Variants in COL25A1 observed in about 807,000 individuals in gnomAD.
COL25A1 encodes collagen alpha-1(XXV) chain.
Under a neutral mutation model 128.4 loss-of-function variants are expected in COL25A1, and 103 were observed. That is an observed-to-expected ratio of 0.80 (90% CI 0.68 to 0.94). The LOEUF (loss-of-function observed/expected upper bound fraction) is 0.94, where lower values mean the gene tolerates loss of function less well. COL25A1 is among the 40% of genes least tolerant of loss of function. The pLI is 0.00. For synonymous variants in COL25A1, 279 were observed against 277.2 expected (o/e 1.01, Z -0.06); for missense variants, 745 against 840.0 (o/e 0.89, Z 1.40).
At chr4:109,065,539 C>A in intron 3 of COL25A1, among the ~76,000 whole-genome samples, 1 of 133,502 alleles carries the variant, frequency 7.5e-6, no homozygotes, top group South Asian at 2.3e-4. Context: ...AGCACGCGCG[C>A]GCGCGCGTGT....
chr4:109,125,538 A>G (rs1437241602), intron 3 of COL25A1, among the ~76,000 whole-genome samples: 1 of 152,200 alleles, frequency 6.6e-6, no homozygotes, highest in Non-Finnish European at 1.5e-5. Flanking sequence ...GTATTTCTAG[A>G]ATACAAACTG....
At chr4:109,187,131 C>T (rs967156004) in intron 3 of COL25A1, among the ~76,000 whole-genome samples, 8 of 151,880 alleles carry the variant, frequency 5.3e-5, no homozygotes, top group Non-Finnish European at 1.2e-4. Context: ...AAATTATTGT[C>T]ATGCGATTAT....
At chr4:109,258,093 ATCCT>A (rs1382278570) in intron 3 of COL25A1, among the ~76,000 whole-genome samples, 4 of 152,076 alleles carry the variant, frequency 2.6e-5, no homozygotes, top group African/African-American at 9.7e-5. Context: ...CTGCCTTTCC[ATCCT>A]TCCTGCTCCC....
At chr4:109,205,953 G>C (rs1038792963) in intron 3 of COL25A1, among the ~76,000 whole-genome samples, 1 of 151,990 alleles carries the variant, frequency 6.6e-6, no homozygotes, top group Non-Finnish European at 1.5e-5. Flanking sequence ...TTCTGCCCTG[G>C]AAAACAACAT....
intron 8 of COL25A1, among the ~76,000 whole-genome samples, chr4:108,973,163 C>G (rs1752090440): frequency 6.6e-6 from 1 of 152,164 alleles, no homozygotes; most frequent in Admixed American, 6.5e-5. Context: ...TCACCACATA[C>G]AGAGCAAATG....
chr4:108,926,074 C>T (rs12512446), intron 11 of COL25A1, among the ~76,000 whole-genome samples: 105,094 of 152,078 alleles, frequency 0.69, 37,604 homozygotes, highest in East Asian at 0.94. Flanking sequence ...CACAGAAAGA[C>T]ACATCATGAG....
intron 3 of COL25A1, among the ~76,000 whole-genome samples, chr4:109,216,937 G>T (rs1368884849): frequency 3.9e-5 from 6 of 152,050 alleles, no homozygotes; most frequent in Admixed American, 3.3e-4. Flanking sequence ...AACCAAAGCT[G>T]GTTGTAGAAC....
chr4:108,874,803 A>G (rs552351241), intron 19 of COL25A1, among the ~76,000 whole-genome samples: 1 of 152,348 alleles, frequency 6.6e-6, no homozygotes, highest in South Asian at 2.1e-4. Context: ...CTTGTTGCAT[A>G]TATCAGGACA....
chr4:109,001,506 G>A (rs778108167), intron 6 of COL25A1, among the ~76,000 whole-genome samples: 6 of 135,990 alleles, frequency 4.4e-5, no homozygotes, highest in Non-Finnish European at 8.1e-5. Context: ...ATACCTGTCA[G>A]TAATGAGGAA....
intron 3 of COL25A1, among the ~76,000 whole-genome samples, chr4:109,088,302 A>T (rs918652001): frequency 3.3e-5 from 5 of 152,208 alleles, no homozygotes; most frequent in African/African-American, 1.2e-4. Flanking sequence ...AGTGAGGAGC[A>T]GGTATGGGGC....
intron 21 of COL25A1, among the ~76,000 whole-genome samples, chr4:108,862,910 A>G (rs1737430112): frequency 6.6e-6 from 1 of 152,230 alleles, no homozygotes; most frequent in Admixed American, 6.5e-5. Flanking sequence ...TGACCACATT[A>G]GTTTGCAGAA....
At chr4:109,153,064 A>G (rs1771667206) in intron 3 of COL25A1, among the ~76,000 whole-genome samples, 1 of 152,148 alleles carries the variant, frequency 6.6e-6, no homozygotes, top group Non-Finnish European at 1.5e-5. Flanking sequence ...CCACAATTTT[A>G]AAGATTTAAA....
At position 108,824,497 on chromosome 4, in the gene COL25A1, A is replaced by G. The variant is rs574658405; in HGVS notation, c.1792-270T>C. 6.6e-5 allele frequency among the ~76,000 whole-genome samples: 10 copies of G among 152,326 alleles called. No homozygotes were observed. In the South Asian group the frequency reaches 1.4e-3, roughly 22 times the overall value. Reference sequence around the variant, plus strand: ...TACTAGTTTGAATTCTGGCAAGTTCACTGATTTGTGCAGATTTGGGCAAAT... The same window carrying G: ...TACTAGTTTGAATTCTGGCAAGTTCGCTGATTTGTGCAGATTTGGGCAAAT... On this transcript the variant is annotated intron_variant, in intron 34 of 37. Coordinates refer to ENST00000399132, the MANE Select transcript of COL25A1 (RefSeq NM_198721.4).
chr4:109,107,231 T>G (rs894743851), intron 3 of COL25A1, among the ~76,000 whole-genome samples: 7 of 152,160 alleles, frequency 4.6e-5, no homozygotes, highest in Non-Finnish European at 1.0e-4. Flanking sequence ...TTTTTTACCC[T>G]GTCTCCACAA....
intron 3 of COL25A1, among the ~76,000 whole-genome samples, chr4:109,118,439 T>A (rs916397495): frequency 6.6e-6 from 1 of 151,996 alleles, no homozygotes; most frequent in East Asian, 1.9e-4. Context: ...AACATATACA[T>A]GTAACACTAC....
intron 6 of COL25A1, among the ~76,000 whole-genome samples, chr4:108,988,451 G>A (rs1284051265): frequency 2.6e-5 from 4 of 152,186 alleles, no homozygotes; most frequent in Non-Finnish European, 5.9e-5. Flanking sequence ...CTTTTGGGGT[G>A]ACTACAATTT....
chr4:108,814,017 G>GAATT, intron 37 of COL25A1, 88 bp from the exon 38 acceptor site: 1 of 1,059,838 alleles, frequency 9.4e-7, no homozygotes, highest in Non-Finnish European at 1.4e-6. Flanking sequence ...TCAGAAAACT[G>GAATT]GTAGAACCTT....
chr4:109,185,366 C>T (rs956233226), intron 3 of COL25A1, among the ~76,000 whole-genome samples: 2 of 152,198 alleles, frequency 1.3e-5, no homozygotes, highest in African/African-American at 2.4e-5. Context: ...TGAAGCATTA[C>T]TGTCCTCATG....
chr4:109,126,113 T>C (rs528001279), intron 3 of COL25A1, among the ~76,000 whole-genome samples: 4 of 152,166 alleles, frequency 2.6e-5, no homozygotes, highest in Non-Finnish European at 5.9e-5. Context: ...ATTTTATTAT[T>C]TTGCTACTTG....
Sources: gnomAD v4.1 joint callset for allele counts (sites outside exome capture counted in the v4.1 genomes callset) on GRCh38, gnomAD v4.1.1 for gene constraint, MANE v1.5 for transcripts, NCBI Gene and HGNC (gene_info 2026-07-23, HGNC 2026-07-21) for gene names.